Variants in CTNNA3 observed in about 807,000 individuals in gnomAD.
The protein encoded by CTNNA3 is catenin alpha-3.
In CTNNA3, 76 loss-of-function variants were observed where a neutral mutation model predicts 95.7. The ratio of observed to expected loss-of-function variants is 0.79; its 90% CI spans 0.66 to 0.96. The LOEUF (loss-of-function observed/expected upper bound fraction) is 0.96. Among genes scored for constraint, CTNNA3 ranks in the 40% least tolerant of loss-of-function variants. The pLI, the probability that CTNNA3 is intolerant of heterozygous loss-of-function variation, is 0.00. For synonymous variants in CTNNA3, 431 were observed against 374.4 expected (o/e 1.15, Z -1.74); for missense variants, 1,191 against 1,089.8 (o/e 1.09, Z -1.31).
At chr10:66,779,214 C>T (rs1192070204) in intron 7 of CTNNA3, among the ~76,000 whole-genome samples, 2 of 152,130 alleles carry the variant, frequency 1.3e-5, no homozygotes, top group Non-Finnish European at 2.9e-5. Context: ...ACTAATAAGA[C>T]ACCTTAATGG....
intron 12 of CTNNA3, 134 bp from the exon 13 acceptor site, chr10:66,280,755 T>C (rs1471633173): frequency 5.1e-6 from 3 of 592,606 alleles, no homozygotes; most frequent in African/African-American, 2.0e-5. Context: ...TTTTTAAATA[T>C]AGAGATACAC....
rs199697620 is a variant in CTNNA3, at chr10:66,634,902, T to TAG, written c.1282-13119_1282-13118insCT. The stretch of plus-strand genomic sequence containing the variant: ...CACAAACTCAAACATATTTGGCTGT[T>TAG]ACAGTATTATTGCTTCCAATAAATT... On this transcript the variant is annotated intron_variant, in intron 9 of 17. Transcript: ENST00000433211. Among the ~76,000 whole-genome samples, 160 of 152,268 alleles carry TAG rather than the reference T, an allele frequency of 1.1e-3. 4 individuals carry two copies. The East Asian group carries it at 0.028, about 27-fold the overall frequency.
chr10:66,917,978 A>T (rs1846583054), intron 7 of CTNNA3, among the ~76,000 whole-genome samples: 1 of 152,218 alleles, frequency 6.6e-6, no homozygotes, highest in Admixed American at 6.5e-5. Context: ...GAGAAAATAC[A>T]GGAAATTTAG....
intron 10 of CTNNA3, among the ~76,000 whole-genome samples, chr10:66,540,432 G>T (rs117395482): frequency 0.02 from 3,051 of 152,228 alleles, 72 homozygotes; most frequent in Non-Finnish European, 0.027. Context: ...CTTGGCCACT[G>T]ATTGAGAGAG....
Position 65,913,634 on chromosome 10 carries a change from G to A in CTNNA3, c.*6696C>T, listed in dbSNP as rs1228228923. 1 of 152,064 alleles carries A rather than the reference G, an allele frequency of 6.6e-6. No individual in the cohort carries two copies. Among genetic ancestry groups the A allele is most frequent in the African/African-American group, 2.4e-5 (1 of 41,400 alleles). The allele number at this position is 152,064 out of a possible 1,614,324, so 9.4% of individuals were successfully genotyped here. Reference sequence around the variant, plus strand: ...AATGGTATAAGATTTGGCAAGCAATGGAACATGATTTTTATAGTAGTTTAA... The same window carrying A: ...AATGGTATAAGATTTGGCAAGCAATAGAACATGATTTTTATAGTAGTTTAA... On this transcript the variant is annotated 3_prime_UTR_variant, in exon 18 of 18. Transcript: ENST00000433211.
At chr10:67,407,503 C>T (rs1173619118) in intron 5 of CTNNA3, among the ~76,000 whole-genome samples, 4 of 152,100 alleles carry the variant, frequency 2.6e-5, no homozygotes, top group Non-Finnish European at 5.9e-5. Context: ...TAAAAACTGG[C>T]ACAAGACAAG....
chr10:67,218,004 G>T (rs1025052983), intron 6 of CTNNA3, among the ~76,000 whole-genome samples: 3 of 152,046 alleles, frequency 2.0e-5, no homozygotes, highest in African/African-American at 7.2e-5. Flanking sequence ...TTACCTTCAG[G>T]CTATGTGTAT....
chr10:66,478,888 C>T (rs901067684), intron 11 of CTNNA3, among the ~76,000 whole-genome samples: 1 of 151,736 alleles, frequency 6.6e-6, no homozygotes, highest in Non-Finnish European at 1.5e-5. Context: ...TGATTTCTTG[C>T]TAAACAGAAT....
At chr10:66,345,749 G>A (rs2092502792) in intron 12 of CTNNA3, among the ~76,000 whole-genome samples, 1 of 151,986 alleles carries the variant, frequency 6.6e-6, no homozygotes, top group African/African-American at 2.4e-5. Context: ...ATTTCTGAAA[G>A]CAGCAGAAAG....
chr10:67,080,788 G>A (rs919217258), intron 7 of CTNNA3, among the ~76,000 whole-genome samples: 3 of 151,502 alleles, frequency 2.0e-5, no homozygotes, highest in African/African-American at 4.8e-5. Context: ...GGGCGCCTGT[G>A]GTCCCAGCTA....
chr10:66,695,483 A>G (rs1260089068), intron 9 of CTNNA3, among the ~76,000 whole-genome samples: 1 of 152,206 alleles, frequency 6.6e-6, no homozygotes. Context: ...ATGAGAAAGT[A>G]TATGTAATAT....
intron 9 of CTNNA3, among the ~76,000 whole-genome samples, chr10:66,691,702 A>G (rs143253952): frequency 6.6e-6 from 1 of 152,132 alleles, no homozygotes; most frequent in African/African-American, 2.4e-5. Flanking sequence ...CCTAAGAGGG[A>G]GGCATCCCCC....
intron 12 of CTNNA3, among the ~76,000 whole-genome samples, chr10:66,368,338 C>T (rs1323187222): frequency 6.6e-6 from 1 of 151,972 alleles, no homozygotes; most frequent in Non-Finnish European, 1.5e-5. Flanking sequence ...CTCCTGTGCA[C>T]AGTTTAGATA....
intron 9 of CTNNA3, among the ~76,000 whole-genome samples, chr10:66,627,556 A>G (rs1323908187): frequency 6.6e-6 from 1 of 152,170 alleles, no homozygotes; most frequent in Non-Finnish European, 1.5e-5. Flanking sequence ...ACTGAGCCAG[A>G]AACTTATACC....
At chr10:66,513,715 T>C (rs1440075685) in intron 11 of CTNNA3, among the ~76,000 whole-genome samples, 1 of 152,196 alleles carries the variant, frequency 6.6e-6, no homozygotes, top group Admixed American at 6.5e-5. Flanking sequence ...GGGCATTGTG[T>C]GCAGGCACAT....
chr10:67,509,154 G>A (rs1314256961), intron 5 of CTNNA3, among the ~76,000 whole-genome samples: 2 of 151,740 alleles, frequency 1.3e-5, no homozygotes, highest in Non-Finnish European at 2.9e-5. Context: ...GAGATTACAG[G>A]TGTGAGCCAC....
At chr10:67,297,123 G>A (rs1199608830) in intron 5 of CTNNA3, among the ~76,000 whole-genome samples, 1 of 151,820 alleles carries the variant, frequency 6.6e-6, no homozygotes, top group Non-Finnish European at 1.5e-5. Context: ...CAAGCAACAG[G>A]GTAGCTGGAA....
At chr10:67,379,050 A>G (rs1843810765) in intron 5 of CTNNA3, among the ~76,000 whole-genome samples, 1 of 152,204 alleles carries the variant, frequency 6.6e-6, no homozygotes, top group Non-Finnish European at 1.5e-5. Flanking sequence ...TCAACCATTT[A>G]AAAGGTATCT....
chr10:67,133,242 G>GAT (rs1259883658), intron 7 of CTNNA3, among the ~76,000 whole-genome samples: 2 of 145,908 alleles, frequency 1.4e-5, no homozygotes, highest in Admixed American at 7.0e-5. Context: ...GCAAGGAAAG[G>GAT]ATATATATAT....
Sources: gnomAD v4.1 joint callset for allele counts (sites outside exome capture counted in the v4.1 genomes callset) on GRCh38, gnomAD v4.1.1 for gene constraint, MANE v1.5 for transcripts, NCBI Gene and HGNC (gene_info 2026-07-23, HGNC 2026-07-21) for gene names.